The following ZDHHC17 variants were observed in gnomAD, a reference collection of about 807,000 sequenced individuals.
ZDHHC17 encodes the protein palmitoyltransferase ZDHHC17.
In ZDHHC17, 40 loss-of-function variants were observed where a neutral mutation model predicts 90.3. The ratio of observed to expected loss-of-function variants is 0.44; its 90% CI spans 0.34 to 0.58. ZDHHC17 has a LOEUF of 0.58. Among genes scored for constraint, ZDHHC17 ranks in the 20% least tolerant of loss-of-function variants. The pLI is 0.01. For synonymous variants in ZDHHC17, 235 were observed against 252.4 expected (o/e 0.93, Z 0.65); for missense variants, 614 against 780.8 (o/e 0.79, Z 2.55).
At chr12:76,849,586 T>C in intron 16 of ZDHHC17, 116 bp downstream of exon 16, 1 of 622,274 alleles carries the variant, frequency 1.6e-6, no homozygotes, top group Non-Finnish European at 2.8e-6. Context: ...AAGATTTCTG[T>C]AGAAATAGCA....
Position 76,815,911 on chromosome 12 carries a change from C to G in ZDHHC17, c.663C>G (p.Asp221Glu). 1 of 1,577,276 alleles carries G rather than the reference C, an allele frequency of 6.3e-7. No individual in the cohort carries two copies. The highest frequency in any genetic ancestry group is 1.4e-5 in the African/African-American group (1 of 73,240). The change falls in exon 7 of 17, where the codon GAC (aspartate) becomes GAG (glutamate). Residue 221 changes from aspartate to glutamate, a missense_variant. Asp to Glu is a conservative substitution (Grantham distance 45). Coordinates refer to ENST00000426126, the MANE Select transcript of ZDHHC17 (RefSeq NM_015336.4). ...TCAATGTTTCAGTTAACCTTGGTGA[C>G]AAGTATCACAAAAACACTGCTCTGC... ...LTFNVSVNLG[D>E]KYHKNTALHW... is the part of the protein sequence containing the mutation.
chr12:76,774,309 TACAC>T (rs555009020), intron 1 of ZDHHC17, among the ~76,000 whole-genome samples: 1 of 149,050 alleles, frequency 6.7e-6, no homozygotes. Flanking sequence ...TATATATATA[TACAC>T]ACACACACAT....
intron 1 of ZDHHC17, among the ~76,000 whole-genome samples, chr12:76,788,885 G>A (rs758015046): frequency 4.6e-5 from 7 of 151,472 alleles, no homozygotes; most frequent in Non-Finnish European, 8.8e-5. Flanking sequence ...TAGTAGAGAC[G>A]GGGTTTTCTC....
intron 10 of ZDHHC17, among the ~76,000 whole-genome samples, chr12:76,832,486 A>G (rs1202542088): frequency 1.3e-5 from 2 of 152,264 alleles, no homozygotes; most frequent in Non-Finnish European, 2.9e-5. Flanking sequence ...AGAGTAATAC[A>G]GAGTTAGGTT....
intron 10 of ZDHHC17, chr12:76,841,103 C>A (rs930226381): frequency 6.6e-6 from 1 of 152,148 alleles, no homozygotes; most frequent in Non-Finnish European, 1.5e-5. Context: ...TTTGAATATG[C>A]CAGGTGATAA....
At chr12:76,807,194 A>G (rs1952965485) in intron 3 of ZDHHC17, among the ~76,000 whole-genome samples, 1 of 152,242 alleles carries the variant, frequency 6.6e-6, no homozygotes, top group South Asian at 2.1e-4. Context: ...ATTATGGTGT[A>G]CAAAGAAAGC....
At chr12:76,841,369 A>G (rs919935501) in intron 10 of ZDHHC17, among the ~76,000 whole-genome samples, 2 of 152,192 alleles carry the variant, frequency 1.3e-5, no homozygotes, top group African/African-American at 4.8e-5. Context: ...TGTCTCAGAA[A>G]TGTATTGCTC....
chr12:76,783,532 T>C (rs1217611446), intron 1 of ZDHHC17, among the ~76,000 whole-genome samples: 1 of 152,254 alleles, frequency 6.6e-6, no homozygotes, highest in Non-Finnish European at 1.5e-5. Flanking sequence ...CATCAGGTGC[T>C]TCGCACAACA....
chr12:76,787,953 G>T (rs1027686581), intron 1 of ZDHHC17, among the ~76,000 whole-genome samples: 1 of 152,146 alleles, frequency 6.6e-6, no homozygotes, highest in Non-Finnish European at 1.5e-5. Flanking sequence ...GTGTGCACCT[G>T]TACTACCAAC....
chr12:76,835,208 G>A (rs1953349216), intron 10 of ZDHHC17, among the ~76,000 whole-genome samples: 1 of 151,824 alleles, frequency 6.6e-6, no homozygotes. Context: ...ATACCACCAT[G>A]CCTGGCTAAT....
chr12:76,821,714 C>A (rs1442379823), intron 7 of ZDHHC17, among the ~76,000 whole-genome samples: 1 of 152,104 alleles, frequency 6.6e-6, no homozygotes, highest in East Asian at 1.9e-4. Context: ...TTAGTTAAGG[C>A]AAAAAGAAGC....
chr12:76,827,016 G>T lies in ZDHHC17; in HGVS notation c.1006G>T (p.Gly336Cys). Reference protein sequence around the residue: ...DSWLIKGLMYGGVWATVQFLS... With the variant: ...DSWLIKGLMYCGVWATVQFLS... ...TTGGCTCATTAAAGGGCTAATGTAT[G>T]GTGGTGTTTGGGCTACAGTACAGTT... is the stretch of plus-strand genomic sequence containing the variant. Residue 336 changes from glycine to cysteine, a missense_variant, in exon 9 of 17, where the codon GGT becomes TGT. Transcript: ENST00000426126. 2.6e-6 allele frequency: 4 copies of T among 1,565,936 alleles called. No homozygotes were observed. The highest frequency in any genetic ancestry group is 3.4e-6 in the Non-Finnish European group (4 of 1,163,932).
chr12:76,766,425 G>A (rs1346308322), intron 1 of ZDHHC17, among the ~76,000 whole-genome samples: 2 of 152,282 alleles, frequency 1.3e-5, no homozygotes, highest in Non-Finnish European at 2.9e-5. Context: ...CTATGAATAC[G>A]TCTCTGAGTT....
At chr12:76,814,643 CAGG>C (rs1475257397) in intron 5 of ZDHHC17, among the ~76,000 whole-genome samples, 2 of 151,746 alleles carry the variant, frequency 1.3e-5, no homozygotes, top group African/African-American at 4.8e-5. Flanking sequence ...GGAAGTAAGG[CAGG>C]GGGATTGCTT....
intron 1 of ZDHHC17, among the ~76,000 whole-genome samples, chr12:76,787,645 T>A (rs2045852): frequency 6.6e-6 from 1 of 151,828 alleles, no homozygotes; most frequent in Non-Finnish European, 1.5e-5. Context: ...TCTCTCTGTC[T>A]CTTGTGTGTG....
intron 10 of ZDHHC17, among the ~76,000 whole-genome samples, chr12:76,829,499 C>T (rs978870990): frequency 4.3e-5 from 6 of 140,736 alleles, no homozygotes; most frequent in African/African-American, 1.6e-4. Flanking sequence ...TACCATTTGA[C>T]TCAGCCATCT....
chr12:76,775,938 T>C (rs1158726033), intron 1 of ZDHHC17, among the ~76,000 whole-genome samples: 1 of 152,170 alleles, frequency 6.6e-6, no homozygotes, highest in Admixed American at 6.5e-5. Flanking sequence ...GTGTTTTCTT[T>C]GGAAATTTTG....
chr12:76,776,997 T>A (rs1325296427), intron 1 of ZDHHC17, among the ~76,000 whole-genome samples: 1 of 152,172 alleles, frequency 6.6e-6, no homozygotes, highest in East Asian at 1.9e-4. Flanking sequence ...CACGGAGAGA[T>A]CTCATGTATC....
chr12:76,792,310 G>A (rs1187317499), intron 1 of ZDHHC17, among the ~76,000 whole-genome samples: 1 of 152,136 alleles, frequency 6.6e-6, no homozygotes, highest in African/African-American at 2.4e-5. Flanking sequence ...GACAAAGACG[G>A]ATTACACTTA....
Sources: gnomAD v4.1 joint callset for allele counts (sites outside exome capture counted in the v4.1 genomes callset) on GRCh38, gnomAD v4.1.1 for gene constraint, MANE v1.5 for transcripts, NCBI Gene and HGNC (gene_info 2026-07-23, HGNC 2026-07-21) for gene names.